Variants in MGST1 observed in about 807,000 individuals in gnomAD.
The protein encoded by MGST1 is glutathione S-transferase 12.
MGST1 carries 5 observed loss-of-function variants against 8.9 expected under a neutral mutation model. The ratio of observed to expected loss-of-function variants is 0.56; its 90% CI spans 0.29 to 1.19. The LOEUF is 1.19. Ranked by LOEUF, MGST1 falls within the 50% of genes most tolerant of loss-of-function variation. MGST1 has a pLI of 0.08. For synonymous variants in MGST1, 54 were observed against 67.8 expected, an observed-to-expected ratio of 0.80 and a Z score of 1.00; for missense variants, 182 against 187.4, an observed-to-expected ratio of 0.97 and a Z score of 0.17.
downstream of MGST1, chr12:16,438,840 A>C (rs1941013745): frequency 6.6e-6 from 1 of 151,886 alleles, no homozygotes; most frequent in African/African-American, 2.4e-5. Context: ...ACTGTACATA[A>C]AACAGCAACA....
chr12:16,575,680 C>T (rs1468554474), intron 4 of MGST1, among the ~76,000 whole-genome samples: 4 of 152,124 alleles, frequency 2.6e-5, no homozygotes, highest in Admixed American at 2.6e-4. Flanking sequence ...AGCTGGACTC[C>T]ACACACTGAG....
chr12:16,347,359 C>T (rs887450686), upstream of MGST1, among the ~76,000 whole-genome samples: 1 of 152,208 alleles, frequency 6.6e-6, no homozygotes, highest in African/African-American at 2.4e-5. This position sits in a 1 kb window ranked among gnomAD's most constrained non-coding sequence, Gnocchi z 4.0. Flanking sequence ...ACTTCCAAAA[C>T]TCTGCTGATC....
intron 1 of MGST1, among the ~76,000 whole-genome samples, chr12:16,421,958 T>C (rs932991876): frequency 6.6e-6 from 1 of 152,190 alleles, no homozygotes; most frequent in Non-Finnish European, 1.5e-5. Flanking sequence ...ACCATTACTC[T>C]AGATCTTTGT....
At chr12:16,404,860 A>AT (rs1940686771) in intron 1 of MGST1, among the ~76,000 whole-genome samples, 1 of 152,022 alleles carries the variant, frequency 6.6e-6, no homozygotes, top group East Asian at 1.9e-4. Context: ...TCTGAGATAC[A>AT]TTTTTTACAG....
rs1419269721 is a variant in MGST1 at position 16,587,542 on chromosome 12, C to G, written n.483-1986C>G. ...TAAACCCCTGGCCTTGAGTTTTGGC[C>G]CCTTAATAGTAGCCTACATGGTTGA... On this transcript the variant is annotated intron_variant and non_coding_transcript_variant, in intron 4 of 4. Coordinates refer to the MGST1 transcript ENST00000538857. The surrounding 1 kb of genome is among the most constrained non-coding windows in gnomAD (Gnocchi z 4.3). Among the ~76,000 whole-genome samples the G allele has an allele frequency of 6.6e-6, 1 of 151,874 alleles. No individual in the cohort carries two copies. The highest frequency in any genetic ancestry group is 2.4e-5 in the African/African-American group (1 of 41,322).
Position 16,363,735 on chromosome 12 carries a change from A to G in MGST1, c.222-60A>G. 7.3e-7 allele frequency: 1 copy of G among 1,370,646 alleles called. No homozygotes were observed. Among genetic ancestry groups the G allele is most frequent in the Non-Finnish European group, 9.7e-7 (1 of 1,028,684 alleles). The allele number at this position is 1,370,646 out of a possible 1,614,324, so 84.9% of individuals were successfully genotyped here. A position where few individuals can be genotyped will look rare whatever the true frequency, so the allele number is the denominator to read the frequency against. ...GATTTAGTTTTTAGAAGAGAGAGAAAAAAGGATACATATCTAGTATTTTGA... is the reference window on the plus strand; with the variant it reads ...GATTTAGTTTTTAGAAGAGAGAGAAGAAAGGATACATATCTAGTATTTTGA... On this transcript the variant is annotated intron_variant, in intron 3 of 3. Transcript: ENST00000396210. This position sits in a 1 kb window ranked among gnomAD's most constrained non-coding sequence, Gnocchi z 4.6.
chr12:16,477,577 C>T (rs1278565721), intron 4 of MGST1, among the ~76,000 whole-genome samples: 1 of 152,138 alleles, frequency 6.6e-6, no homozygotes, highest in African/African-American at 2.4e-5. Context: ...TACTTGTATA[C>T]TACTCAACTG....
downstream of MGST1, among the ~76,000 whole-genome samples, chr12:16,442,041 A>C (rs929835122): frequency 2.6e-5 from 4 of 151,796 alleles, no homozygotes; most frequent in South Asian, 8.3e-4. The surrounding 1 kb of genome is among the most constrained non-coding windows in gnomAD (Gnocchi z 4.5). Flanking sequence ...TTGTTTTTGA[A>C]GTTTGCATTT....
Position 16,585,132 on chromosome 12 carries a change from C to G in MGST1, n.483-4396C>G, listed in dbSNP as rs868369211. Among the ~76,000 whole-genome samples, 78 of 152,286 alleles carry G rather than the reference C, an allele frequency of 5.1e-4. 1 individual carries two copies. In the Middle Eastern group the frequency reaches 0.01, roughly 20 times the overall value. On this transcript the variant is annotated intron_variant and non_coding_transcript_variant, in intron 4 of 4. Transcript: ENST00000538857. This position sits in a 1 kb window ranked among gnomAD's most constrained non-coding sequence, Gnocchi z 4.7. ...TGCTGGAATTAAGTCATGGCTTCCC[C>G]CTTTGGGTGGCGCATGCAAGCCCCA...
At chr12:16,355,126 G>A (rs1490092781) in intron 2 of MGST1, among the ~76,000 whole-genome samples, 1 of 151,752 alleles carries the variant, frequency 6.6e-6, no homozygotes, top group Non-Finnish European at 1.5e-5. Context: ...TCTCTCTTAG[G>A]ACCTGTCCTG....
At chr12:16,471,940 C>G (rs73318787) in intron 4 of MGST1, among the ~76,000 whole-genome samples, 8 of 152,122 alleles carry the variant, frequency 5.3e-5, no homozygotes, top group South Asian at 2.1e-4. Context: ...CACACACACA[C>G]AGACACCAAT....
At chr12:16,404,045 A>C (rs1940680807) in intron 1 of MGST1, among the ~76,000 whole-genome samples, 1 of 152,218 alleles carries the variant, frequency 6.6e-6, no homozygotes, top group South Asian at 2.1e-4. Context: ...GTTGAAGTCT[A>C]GTACTCTGAT....
intron 4 of MGST1, among the ~76,000 whole-genome samples, chr12:16,451,007 C>T (rs1941124746): frequency 6.6e-6 from 1 of 151,880 alleles, no homozygotes; most frequent in Admixed American, 6.6e-5. Context: ...TTAATAAATA[C>T]TGTTTAGGAA....
intron 1 of MGST1, among the ~76,000 whole-genome samples, chr12:16,422,374 G>T (rs745971286): frequency 1.4e-4 from 22 of 152,084 alleles, no homozygotes; most frequent in Non-Finnish European, 2.8e-4. Context: ...TACTTTCAGG[G>T]CCACTTCTCA....
At chr12:16,457,963 A>G (rs1307012226) in intron 4 of MGST1, among the ~76,000 whole-genome samples, 1 of 151,984 alleles carries the variant, frequency 6.6e-6, no homozygotes, top group African/African-American at 2.4e-5. Flanking sequence ...CAGTTCTATA[A>G]ATTAATTTGC....
At chr12:16,507,711 G>C (rs1209205537) in intron 4 of MGST1, among the ~76,000 whole-genome samples, 2 of 152,116 alleles carry the variant, frequency 1.3e-5, no homozygotes, top group Non-Finnish European at 2.9e-5. Flanking sequence ...GAGACAGAGA[G>C]AGAAGGGGGA....
At chr12:16,504,286 C>T (rs1941523207) in intron 4 of MGST1, among the ~76,000 whole-genome samples, 1 of 145,630 alleles carries the variant, frequency 6.9e-6, no homozygotes, top group South Asian at 2.1e-4. Context: ...TCTTTACTTT[C>T]AGCTCTTGAA....
intron 1 of MGST1, among the ~76,000 whole-genome samples, chr12:16,422,047 A>G (rs1940841856): frequency 1.3e-5 from 2 of 152,172 alleles, no homozygotes; most frequent in Admixed American, 6.6e-5. Flanking sequence ...TGCTGGGCCC[A>G]CACATAGTCT....
At chr12:16,400,969 G>A in intron 1 of MGST1, 1 of 1,412,850 alleles carries the variant, frequency 7.1e-7, no homozygotes, top group Non-Finnish European at 1.0e-6. Flanking sequence ...CTTCTTCATT[G>A]AGTTGAGCCA....
Sources: allele counts gnomAD v4.1 joint callset (sites outside exome capture counted in the v4.1 genomes callset), GRCh38; gene constraint gnomAD v4.1.1; non-coding constraint Gnocchi (gnomAD v3.1); transcripts MANE v1.5; gene names NCBI Gene and HGNC (gene_info 2026-07-23, HGNC 2026-07-21).